Variants in PRSS27 observed in about 807,000 individuals in gnomAD.
PRSS27 encodes the protein channel-activating protease 2.
PRSS27 carries 25 observed loss-of-function variants against 32.0 expected under a neutral mutation model. The ratio of observed to expected loss-of-function variants is 0.78; its 90% CI spans 0.57 to 1.09. The LOEUF (loss-of-function observed/expected upper bound fraction) is 1.09. PRSS27 is among the 50% of genes least tolerant of loss of function. The probability of loss-of-function intolerance (pLI) is 0.00; values close to 1 mark genes in which losing one functional copy is unlikely to be tolerated. For synonymous variants in PRSS27, 178 were observed against 172.2 expected (o/e 1.03, Z -0.26); for missense variants, 401 against 394.9 (o/e 1.02, Z -0.13).
At chr16:2,713,912 G>T (rs2067682801) in intron 4 of PRSS27, among the ~76,000 whole-genome samples, 153 bp downstream of exon 4, 1 of 152,142 alleles carries the variant, frequency 6.6e-6, no homozygotes, top group South Asian at 2.1e-4. Context: ...TTCTGGGTCT[G>T]CTGCTGCTCC....
In PRSS27 at chr16:2,714,072, A is replaced by G; in HGVS notation, c.501T>C (p.Ser167=). Residue 167 remains serine (S), a synonymous_variant, in exon 4 of 6, where the codon AGT becomes AGC. Transcript: ENST00000302641. The surrounding 1 kb of genome is among the most constrained non-coding windows in gnomAD (Gnocchi z 4.7). ...NCWVTGWGSP[S]EEDLLPEPRI... is the part of the protein sequence containing the mutation. ...CCAGCCCTGTCCCCTTACCTTCCTC[A>G]CTGGGGCTGCCCCAGCCAGTGACCC... The G allele has an allele frequency of 6.2e-6, 10 of 1,607,586 alleles. No homozygotes were observed. The highest frequency in any genetic ancestry group is 7.7e-6 in the Non-Finnish European group (9 of 1,176,138).
chr16:2,713,244 G>C (rs566940444), intron 5 of PRSS27: 99 of 464,386 alleles, frequency 2.1e-4, no homozygotes, highest in Middle Eastern at 6.3e-4. Context: ...GACTACAGGC[G>C]CCCACCACCA....
At chr16:2,713,926 C>A (rs1464220777) in intron 4 of PRSS27, 139 bp downstream of exon 4, 2 of 1,090,000 alleles carry the variant, frequency 1.8e-6, no homozygotes, top group Admixed American at 2.2e-5. Flanking sequence ...CTGCTCCCCT[C>A]GGCCCCACCT....
chr16:2,714,739 A>AT lies in PRSS27; in HGVS notation c.237-404dup, dbSNP rs546950673. 7.4e-3 allele frequency: 1,675 copies of AT among 225,056 alleles called. No homozygotes were observed. The highest frequency in any genetic ancestry group is 0.017 in the Middle Eastern group (10 of 596). The allele number at this position is 225,056 out of a possible 1,614,324, so 13.9% of individuals were successfully genotyped here. A position where few individuals can be genotyped will look rare whatever the true frequency, so the allele number is the denominator to read the frequency against. ...TGCCCTCTCTCAGCCCGAGTTTCCG[A>AT]TTTTTTTTTTCCCCTAGAGACAGAG... On this transcript the variant is annotated intron_variant, in intron 3 of 5. Coordinates refer to ENST00000302641, the MANE Select transcript of PRSS27 (RefSeq NM_031948.5). This position sits in a 1 kb window ranked among gnomAD's most constrained non-coding sequence, Gnocchi z 4.7.
chr16:2,715,589 G>A (rs1039520450), intron 3 of PRSS27, 129 bp downstream of exon 3: 10 of 661,270 alleles, frequency 1.5e-5, no homozygotes, highest in African/African-American at 1.3e-4. Context: ...GGTGGGAGGG[G>A]CTGGACCAGG....
In PRSS27 at chr16:2,714,258, G is replaced by A. The variant is rs558214531; in HGVS notation, c.315C>T (p.Ala105=). The A allele has an allele frequency of 2.5e-6, 4 of 1,613,478 alleles. No individual in the cohort carries two copies. The highest frequency in any genetic ancestry group is 2.7e-5 in the African/African-American group (2 of 75,064). Residue 105 remains alanine (A), a synonymous_variant, in exon 4 of 6, where the codon GCC becomes GCT. Coordinates refer to ENST00000302641, the MANE Select transcript of PRSS27 (RefSeq NM_031948.5). The surrounding 1 kb of genome is among the most constrained non-coding windows in gnomAD (Gnocchi z 4.7). ...LVQPGPHAMY[A]RVRQVESNPL... is the part of the protein sequence containing the mutation. ...GGTTGCTCTCCACCTGCCTCACCCG[G>A]GCATACATAGCGTGTGGTCCCGGCT...
intron 5 of PRSS27, 144 bp downstream of exon 5, chr16:2,713,385 A>G (rs770931875): frequency 1.1e-5 from 10 of 890,044 alleles, no homozygotes; most frequent in South Asian, 2.7e-5. Context: ...GGCGTGAGCC[A>G]CCACACCCGG....
rs116945712 is a variant in PRSS27 at position 2,712,806 on chromosome 16, C to T, written c.687G>A (p.Ser229=). 300 of 1,563,884 alleles carry T rather than the reference C, an allele frequency of 1.9e-4. 2 individuals carry two copies. In the East Asian group the frequency reaches 6.4e-3, roughly 33 times the overall value. The change falls in exon 6 of 6, where the codon TCG becomes TCA. Residue 229 remains serine (S), a synonymous_variant. Transcript: ENST00000302641. This position sits in a 1 kb window ranked among gnomAD's most constrained non-coding sequence, Gnocchi z 4.6. ...EGKKDACKGD[S]GGPLVCLVGQ... ...CCACGAGGCACACCAGGGGGCCGCC[C>T]GAGTCGCCCTGCGGGGGACGCAGAG...
chr16:2,713,150 GTGCACTGGCGCGATCTCGGCTC>G (rs1226434204), intron 5 of PRSS27: 2 of 469,866 alleles, frequency 4.3e-6, no homozygotes, highest in African/African-American at 3.9e-5. Context: ...CCAGGCTGGA[GTGCACTGGCGCGATCTCGGCTC>G]ACTGCAAGCT....
In PRSS27 at chr16:2,712,430, A is replaced by G. The variant is rs1266846741; in HGVS notation, c.*190T>C. On this transcript the variant is annotated 3_prime_UTR_variant, in exon 6 of 6. Coordinates refer to ENST00000302641, the MANE Select transcript of PRSS27 (RefSeq NM_031948.5). This position sits in a 1 kb window ranked among gnomAD's most constrained non-coding sequence, Gnocchi z 4.6. ...ATCCCCACGTGGGCAGCTGGCACAC[A>G]GGCTGGGTTTTTATTGGGAGAAACA... The G allele has an allele frequency of 3.5e-6, 2 of 578,472 alleles. No homozygotes were observed. The highest frequency in any genetic ancestry group is 3.2e-5 in the East Asian group (1 of 31,080). The allele number at this position is 578,472 out of a possible 1,614,324, so 35.8% of individuals were successfully genotyped here.
At position 2,714,906 on chromosome 16, in the gene PRSS27, T is replaced by G. The variant is rs1275212191; in HGVS notation, c.237-570A>C. 1.3e-5 allele frequency: 2 copies of G among 154,244 alleles called. No homozygotes were observed. The highest frequency in any genetic ancestry group is 2.9e-5 in the Non-Finnish European group (2 of 69,582). The allele number at this position is 154,244 out of a possible 1,614,324, so 9.6% of individuals were successfully genotyped here. A position where few individuals can be genotyped will look rare whatever the true frequency, so the allele number is the denominator to read the frequency against. ...GGCACCACTGCACCTGGGGTTTTTT[T>G]GTTTGTTTGTTTTTTGTTTTTTAAT... On this transcript the variant is annotated intron_variant, in intron 3 of 5. Coordinates refer to ENST00000302641, the MANE Select transcript of PRSS27 (RefSeq NM_031948.5). The surrounding 1 kb of genome is among the most constrained non-coding windows in gnomAD (Gnocchi z 4.7).
In PRSS27 at chr16:2,712,432, G is replaced by A. The variant is rs2067667174; in HGVS notation, c.*188C>T. The A allele has an allele frequency of 8.5e-6, 5 of 585,468 alleles. No homozygotes were observed. The highest frequency in any genetic ancestry group is 1.4e-5 in the Non-Finnish European group (5 of 348,980). The allele number at this position is 585,468 out of a possible 1,614,324, so 36.3% of individuals were successfully genotyped here. ...CCCCACGTGGGCAGCTGGCACACAGGCTGGGTTTTTATTGGGAGAAACATA... is the reference window on the plus strand; with the variant it reads ...CCCCACGTGGGCAGCTGGCACACAGACTGGGTTTTTATTGGGAGAAACATA... On this transcript the variant is annotated 3_prime_UTR_variant, in exon 6 of 6. Coordinates refer to ENST00000302641, the MANE Select transcript of PRSS27 (RefSeq NM_031948.5). This position sits in a 1 kb window ranked among gnomAD's most constrained non-coding sequence, Gnocchi z 4.6.
intron 5 of PRSS27, chr16:2,713,083 T>G (rs1304990837): frequency 9.4e-6 from 5 of 530,674 alleles, no homozygotes; most frequent in Non-Finnish European, 1.3e-5. Context: ...TGGGGTGGGG[T>G]CCAGGAATCT....
rs143346488 is a variant in PRSS27 at position 2,712,631 on chromosome 16, C to T, written c.862G>A (p.Gly288Ser). ...TGGCCCCGGGGGTCTCACTTCTGGC[C>T]GCCCAACCTCGCTGGCTGGAACTGC... Reference protein sequence around the residue: ...KLQFQPARLGGQK With the variant: ...KLQFQPARLGSQK Residue 288 changes from glycine to serine, a missense_variant, in exon 6 of 6, where the codon GGC (glycine) becomes AGC (serine). Coordinates refer to ENST00000302641, the MANE Select transcript of PRSS27 (RefSeq NM_031948.5). The surrounding 1 kb of genome is among the most constrained non-coding windows in gnomAD (Gnocchi z 4.6). The T allele has an allele frequency of 1.1e-3, 1,813 of 1,584,232 alleles. 22 individuals carry two copies. In the African/African-American group the frequency reaches 0.019, roughly 17 times the overall value.
intron 2 of PRSS27, 184 bp from the exon 3 acceptor site, chr16:2,716,064 C>G: frequency 1.9e-6 from 1 of 518,178 alleles, no homozygotes; most frequent in South Asian, 3.1e-5. Context: ...CCCCAGCTGC[C>G]CCCCAAAGTC....
intron 3 of PRSS27, chr16:2,715,057 T>C (rs2067692492): frequency 6.6e-6 from 1 of 152,208 alleles, no homozygotes; most frequent in Admixed American, 6.5e-5. Flanking sequence ...TGAGCCACCG[T>C]GCCTGGCCGT....
At chr16:2,719,165 C>T (rs2067720012) in intron 1 of PRSS27, among the ~76,000 whole-genome samples, 1 of 152,212 alleles carries the variant, frequency 6.6e-6, no homozygotes, top group African/African-American at 2.4e-5. Context: ...AGAGTTTTGG[C>T]AATGACCTTG....
chr16:2,719,360 G>C (rs1442244292), intron 1 of PRSS27, among the ~76,000 whole-genome samples: 1 of 152,152 alleles, frequency 6.6e-6, no homozygotes, highest in Non-Finnish European at 1.5e-5. Context: ...CTAAGCTGCA[G>C]CCTGGGATGA....
Position 2,720,095 on chromosome 16 carries a change from C to T in PRSS27, c.46+20G>A, listed in dbSNP as rs1260884474. 6.3e-7 allele frequency: 1 copy of T among 1,593,956 alleles called. No homozygotes were observed. Among genetic ancestry groups the T allele is most frequent in the Non-Finnish European group, 8.5e-7 (1 of 1,170,270 alleles). Reference sequence around the variant, plus strand: ...TGGTGGGGGACTGCACCACCAGGACCCTGCACCTTCACGACTCACCAAAAC... The same window carrying T: ...TGGTGGGGGACTGCACCACCAGGACTCTGCACCTTCACGACTCACCAAAAC... On this transcript the variant is annotated intron_variant, in intron 1 of 5. Transcript: ENST00000302641.
Sources: gnomAD v4.1 joint callset for allele counts (sites outside exome capture counted in the v4.1 genomes callset) on GRCh38, gnomAD v4.1.1 for gene constraint, Gnocchi (gnomAD v3.1) non-coding constraint, MANE v1.5 for transcripts, NCBI Gene and HGNC (gene_info 2026-07-23, HGNC 2026-07-21) for gene names.